Variants in NRXN3 observed in about 807,000 individuals in gnomAD.
NRXN3 encodes neurexin 3.
NRXN3 carries 32 observed loss-of-function variants against 137.6 expected under a neutral mutation model. The observed-to-expected ratio is 0.23, with a 90% CI of 0.18 to 0.31. The LOEUF is 0.31. NRXN3 is among the 10% of genes least tolerant of loss of function. NRXN3 has a pLI of 1.00. For missense variants in NRXN3, 1,574 were observed against 2,062.5 expected, an observed-to-expected ratio of 0.76 and a Z score of 4.59; for synonymous variants, 798 against 784.5, an observed-to-expected ratio of 1.02 and a Z score of -0.29.
At chr14:78,903,646 C>T (rs2099205075) in intron 10 of NRXN3, among the ~76,000 whole-genome samples, 1 of 152,056 alleles carries the variant, frequency 6.6e-6, no homozygotes. Flanking sequence ...AATCATTACA[C>T]ACTTTAGTCT....
chr14:79,154,920 C>A (rs564835296), intron 15 of NRXN3, among the ~76,000 whole-genome samples: 19 of 152,008 alleles, frequency 1.2e-4, no homozygotes, highest in African/African-American at 4.6e-4. Context: ...CCAGCTTAAA[C>A]CTTGGAGAAT....
At chr14:79,821,459 C>T (rs905335212) in intron 20 of NRXN3, among the ~76,000 whole-genome samples, 2 of 152,118 alleles carry the variant, frequency 1.3e-5, no homozygotes, top group African/African-American at 2.4e-5. Context: ...ATTTTAAAAA[C>T]ACTAAAATAA....
At chr14:79,857,984 G>T (rs905195289) in intron 20 of NRXN3, among the ~76,000 whole-genome samples, 1 of 152,050 alleles carries the variant, frequency 6.6e-6, no homozygotes, top group African/African-American at 2.4e-5. Context: ...AGTTCTGAAA[G>T]ATTTTGTTTT....
At chr14:78,795,145 A>T (rs1054749406) in intron 8 of NRXN3, among the ~76,000 whole-genome samples, 1 of 152,174 alleles carries the variant, frequency 6.6e-6, no homozygotes, top group Non-Finnish European at 1.5e-5. Flanking sequence ...TTGAAAAGGG[A>T]GGAGGATAAT....
chr14:79,657,811 G>A (rs2098513702), intron 16 of NRXN3, among the ~76,000 whole-genome samples: 1 of 152,140 alleles, frequency 6.6e-6, no homozygotes. Flanking sequence ...ATAGTGAGAT[G>A]TTTTGCCTAA....
chr14:79,768,558 G>A (rs139321139), intron 19 of NRXN3, among the ~76,000 whole-genome samples: 4,302 of 152,246 alleles, frequency 0.028, 201 homozygotes, highest in African/African-American at 0.099. Flanking sequence ...CTGCCGCTGA[G>A]GGTCCTGTCT....
At chr14:79,697,388 T>A in intron 18 of NRXN3, among the ~76,000 whole-genome samples, 1 of 151,996 alleles carries the variant, frequency 6.6e-6, no homozygotes, top group Non-Finnish European at 1.5e-5. Flanking sequence ...TTCTTCTTCC[T>A]CACTATGAAG....
At chr14:78,924,823 G>C (rs2099280859) in intron 10 of NRXN3, among the ~76,000 whole-genome samples, 1 of 152,084 alleles carries the variant, frequency 6.6e-6, no homozygotes, top group Non-Finnish European at 1.5e-5. Flanking sequence ...AATCCAAAAG[G>C]GATTGTTTAG....
intron 19 of NRXN3, among the ~76,000 whole-genome samples, chr14:79,794,941 T>TA (rs2099156666): frequency 6.6e-6 from 1 of 152,276 alleles, no homozygotes; most frequent in African/African-American, 2.4e-5. Context: ...GAACTTCACT[T>TA]ACAAAACACA....
chr14:79,828,323 G>C (rs930769593), intron 20 of NRXN3, among the ~76,000 whole-genome samples: 38 of 151,888 alleles, frequency 2.5e-4, no homozygotes, highest in African/African-American at 9.2e-4. Flanking sequence ...AGGTTGGCTA[G>C]AAAAAAAGTG....
At chr14:78,423,150 T>G (rs914264995) in intron 4 of NRXN3, among the ~76,000 whole-genome samples, 2 of 151,242 alleles carry the variant, frequency 1.3e-5, no homozygotes, top group African/African-American at 4.9e-5. Context: ...TGTGACAATA[T>G]AACTACCCTA....
At chr14:78,417,413 A>C (rs2153671351) in intron 4 of NRXN3, among the ~76,000 whole-genome samples, 1 of 152,252 alleles carries the variant, frequency 6.6e-6, no homozygotes, top group South Asian at 2.1e-4. Context: ...CCCCCATGGG[A>C]GCATGCGCAG....
At chr14:78,887,558 T>G (rs945109118) in intron 10 of NRXN3, among the ~76,000 whole-genome samples, 1 of 152,086 alleles carries the variant, frequency 6.6e-6, no homozygotes, top group Non-Finnish European at 1.5e-5. Context: ...TTCAAGAACC[T>G]CAGGGTTTTC....
At chr14:78,320,186 C>A (rs1030041027) in intron 4 of NRXN3, among the ~76,000 whole-genome samples, 5 of 152,164 alleles carry the variant, frequency 3.3e-5, no homozygotes, top group African/African-American at 1.2e-4. Context: ...TTTGGCTTCC[C>A]CAGGGACTAA....
intron 15 of NRXN3, among the ~76,000 whole-genome samples, chr14:79,407,427 A>G (rs2095336152): frequency 1.3e-5 from 2 of 152,290 alleles, no homozygotes; most frequent in South Asian, 4.1e-4. Flanking sequence ...GAACAGGCAT[A>G]GTTATGATGG....
At chr14:79,703,778 C>A (rs1167314479) in intron 19 of NRXN3, among the ~76,000 whole-genome samples, 1 of 152,100 alleles carries the variant, frequency 6.6e-6, no homozygotes, top group African/African-American at 2.4e-5. Context: ...CTCAGTTTTA[C>A]TGTCTGTAAA....
intron 2 of NRXN3, among the ~76,000 whole-genome samples, chr14:78,253,494 C>T (rs996084627): frequency 3.3e-5 from 5 of 151,814 alleles, no homozygotes; most frequent in African/African-American, 7.3e-5. Flanking sequence ...GGCAACATAG[C>T]GAGACATCAT....
chr14:78,768,975 A>G (rs1204816211), intron 8 of NRXN3, among the ~76,000 whole-genome samples: 2 of 152,214 alleles, frequency 1.3e-5, no homozygotes, highest in African/African-American at 2.4e-5. Context: ...AATTGACTCA[A>G]TCTCCTCCAT....
chr14:78,527,056 A>G (rs1254744715), intron 4 of NRXN3, among the ~76,000 whole-genome samples: 2 of 152,248 alleles, frequency 1.3e-5, no homozygotes, highest in East Asian at 3.8e-4. Flanking sequence ...CTTGGATTCC[A>G]GAGTTTGAGT....
Sources: gnomAD v4.1 joint callset for allele counts (sites outside exome capture counted in the v4.1 genomes callset) on GRCh38, gnomAD v4.1.1 for gene constraint, MANE v1.5 for transcripts, NCBI Gene and HGNC (gene_info 2026-07-23, HGNC 2026-07-21) for gene names.